The following ZFHX3 variants were observed in gnomAD, a reference collection of about 807,000 sequenced individuals.
ZFHX3 encodes zinc finger homeobox protein 3.
Under a neutral mutation model 279.1 loss-of-function variants are expected in ZFHX3, and 42 were observed. The observed-to-expected ratio is 0.15, with a 90% CI of 0.12 to 0.19. ZFHX3 has a LOEUF of 0.19. ZFHX3 is among the 10% of genes least tolerant of loss of function. The probability of loss-of-function intolerance (pLI) is 1.00; values close to 1 mark genes in which losing one functional copy is unlikely to be tolerated. For synonymous variants in ZFHX3, 2,293 were observed against 1,957.8 expected, an observed-to-expected ratio of 1.17 and a Z score of -4.52; for missense variants, 4,981 against 4,754.0, an observed-to-expected ratio of 1.05 and a Z score of -1.40.
At chr16:73,504,859 G>A (rs538304730) in intron 2 of ZFHX3, 2 of 152,342 alleles carry the variant, frequency 1.3e-5, no homozygotes, top group South Asian at 4.2e-4. Context: ...GGATGCTTGG[G>A]TTGTTGAGGG....
chr16:73,404,545 T>C (rs895160736), intron 3 of ZFHX3, among the ~76,000 whole-genome samples: 5 of 152,214 alleles, frequency 3.3e-5, no homozygotes, highest in African/African-American at 1.2e-4. Flanking sequence ...TTTGCAAATA[T>C]ATGAAGATAG....
At chr16:73,412,200 C>G (rs1023920004) in intron 3 of ZFHX3, among the ~76,000 whole-genome samples, 1 of 152,018 alleles carries the variant, frequency 6.6e-6, no homozygotes, top group East Asian at 1.9e-4. Context: ...GTGGCGCACA[C>G]CTGTAATCCC....
intron 7 of ZFHX3, among the ~76,000 whole-genome samples, chr16:73,105,744 C>T (rs1385428519): frequency 6.6e-6 from 1 of 152,040 alleles, no homozygotes; most frequent in Non-Finnish European, 1.5e-5. Context: ...GAGAGTGAGC[C>T]TCTGTCTCAA....
At chr16:73,048,171 G>GGGGGCGGGC (rs566332678), upstream of ZFHX3, 4,247 of 153,120 alleles carry the variant, frequency 0.028, 72 homozygotes, top group East Asian at 0.071. Context: ...CCCGGGGAAG[G>GGGGGCGGGC]GGGGCGGGCG....
chr16:73,262,981 G>C (rs886247258), intron 4 of ZFHX3, among the ~76,000 whole-genome samples: 4 of 152,068 alleles, frequency 2.6e-5, no homozygotes, highest in Non-Finnish European at 5.9e-5. Context: ...CCACCAGCAG[G>C]CTACAGAAAC....
chr16:73,631,399 T>G (rs1230777974), intron 2 of ZFHX3, among the ~76,000 whole-genome samples: 9 of 152,216 alleles, frequency 5.9e-5, no homozygotes, highest in Admixed American at 4.6e-4. Context: ...GTAGTTTTTA[T>G]AACTTAAAAT....
intron 2 of ZFHX3, among the ~76,000 whole-genome samples, chr16:73,642,156 A>G (rs957497240): frequency 2.6e-5 from 4 of 152,188 alleles, no homozygotes; most frequent in Non-Finnish European, 5.9e-5. Flanking sequence ...TCTCTCGTGA[A>G]AGCAGCTCTG....
At position 72,957,837 on chromosome 16, in the gene ZFHX3, G is replaced by C. The variant is rs537904539; in HGVS notation, c.2309C>G (p.Ala770Gly). The C allele has an allele frequency of 6.2e-7, 1 of 1,612,952 alleles. No homozygotes were observed. Among genetic ancestry groups the C allele is most frequent in the African/African-American group, 1.3e-5 (1 of 75,020 alleles). ...AGCCACCGCCGCCGCCGCCGCCCCG[G>C]CAGTGTGGCTGAAGACCTGCTCCCC... Reference protein sequence around the residue: ...GGGEQVFSHTAGAAAAAVAAA... With the variant: ...GGGEQVFSHTGGAAAAAVAAA... Residue 770 changes from alanine to glycine, a missense_variant, in exon 2 of 10, where the codon GCC becomes GGC. This residue lies in a region of ZFHX3 where 1,751 missense variants were observed against 1,770.0 expected (regional missense o/e 0.99). Coordinates refer to ENST00000268489, the MANE Select transcript of ZFHX3 (RefSeq NM_006885.4).
chr16:73,234,283 A>C (rs1044345211), intron 5 of ZFHX3, among the ~76,000 whole-genome samples: 6 of 152,202 alleles, frequency 3.9e-5, no homozygotes, highest in Non-Finnish European at 7.3e-5. Flanking sequence ...AATGCAGGAG[A>C]TGAAATTAGC....
chr16:73,797,051 A>T (rs1205696572), intron 1 of ZFHX3, among the ~76,000 whole-genome samples: 1 of 152,118 alleles, frequency 6.6e-6, no homozygotes, highest in Non-Finnish European at 1.5e-5. Context: ...AAAAAAAAAA[A>T]AATTAGCCAG....
At chr16:72,821,788 A>C (rs1224806073) in intron 5 of ZFHX3, 1 of 152,230 alleles carries the variant, frequency 6.6e-6, no homozygotes, top group East Asian at 1.9e-4. Context: ...GATCAGGCAT[A>C]TGATGCCTAC....
At chr16:73,142,123 G>A (rs1224691881) in intron 6 of ZFHX3, among the ~76,000 whole-genome samples, 1 of 152,146 alleles carries the variant, frequency 6.6e-6, no homozygotes, top group African/African-American at 2.4e-5. Flanking sequence ...TTTCTTAAAT[G>A]TTCCCATTTT....
At chr16:72,820,228 C>T (rs942807128) in intron 5 of ZFHX3, among the ~76,000 whole-genome samples, 1 of 152,160 alleles carries the variant, frequency 6.6e-6, no homozygotes, top group Non-Finnish European at 1.5e-5. Context: ...ACACGCTGAC[C>T]GGTGGGTGCT....
chr16:73,838,283 T>A (rs1961198960), intron 1 of ZFHX3, among the ~76,000 whole-genome samples: 1 of 152,232 alleles, frequency 6.6e-6, no homozygotes, highest in Non-Finnish European at 1.5e-5. Context: ...TAACTTTGTT[T>A]TGGACTTTTG....
At chr16:73,107,137 GTC>G (rs1457179099) in intron 7 of ZFHX3, among the ~76,000 whole-genome samples, 4 of 152,034 alleles carry the variant, frequency 2.6e-5, no homozygotes, top group Admixed American at 2.6e-4. Flanking sequence ...GCGAAATGCT[GTC>G]TCTACTAAAA....
intron 3 of ZFHX3, among the ~76,000 whole-genome samples, chr16:73,322,050 C>A (rs151236232): frequency 2.0e-5 from 3 of 152,214 alleles, no homozygotes; most frequent in African/African-American, 7.2e-5. Context: ...CAAAGCCCAG[C>A]CCTCACAGTT....
At chr16:73,880,571 G>C (rs1292345075) in intron 1 of ZFHX3, among the ~76,000 whole-genome samples, 1 of 152,160 alleles carries the variant, frequency 6.6e-6, no homozygotes, top group African/African-American at 2.4e-5. Context: ...AAGAGGGCTA[G>C]TGAAGTTAAA....
chr16:73,601,013 C>CAAA (rs11345378), intron 2 of ZFHX3, among the ~76,000 whole-genome samples: 5 of 145,834 alleles, frequency 3.4e-5, no homozygotes, highest in Non-Finnish European at 1.5e-5. Context: ...TTTTGTTTCT[C>CAAA]AAAAAAAAAA....
chr16:72,866,460 A>G (rs1597325533), intron 4 of ZFHX3, among the ~76,000 whole-genome samples: 1 of 152,168 alleles, frequency 6.6e-6, no homozygotes, highest in South Asian at 2.1e-4. Context: ...ATTCATGAGC[A>G]TTCTTCTGGG....
Sources: gnomAD v4.1 joint callset for allele counts (sites outside exome capture counted in the v4.1 genomes callset) on GRCh38, gnomAD v4.1.1 for gene constraint, gnomAD v4.1.1 regional missense constraint, MANE v1.5 for transcripts, NCBI Gene and HGNC (gene_info 2026-07-23, HGNC 2026-07-21) for gene names.